Variants in ST18 observed in about 807,000 individuals in gnomAD.
The protein encoded by ST18 is ST18 C2H2C-type zinc finger transcription factor, also known as suppression of tumorigenicity 18 protein.
Under a neutral mutation model 110.0 loss-of-function variants are expected in ST18, and 50 were observed. The ratio of observed to expected loss-of-function variants is 0.45; its 90% CI spans 0.36 to 0.58. The LOEUF (loss-of-function observed/expected upper bound fraction) is 0.58, where lower values mean the gene tolerates loss of function less well. Ranked by LOEUF, ST18 falls within the 20% of genes least tolerant of loss-of-function variation. The pLI, the probability that ST18 is intolerant of heterozygous loss-of-function variation, is 0.00. For synonymous variants in ST18, 461 were observed against 452.4 expected (o/e 1.02, Z -0.24); for missense variants, 1,306 against 1,280.1 (o/e 1.02, Z -0.31).
chr8:52,273,778 G>A (rs554076468), intron 2 of ST18, among the ~76,000 whole-genome samples: 3 of 152,306 alleles, frequency 2.0e-5, no homozygotes, highest in East Asian at 3.9e-4. Context: ...TCAAGCTCCA[G>A]TGTATGGACA....
chr8:52,322,998 G>A (rs1804687297), intron 2 of ST18, among the ~76,000 whole-genome samples: 1 of 152,142 alleles, frequency 6.6e-6, no homozygotes, highest in Admixed American at 6.5e-5. Flanking sequence ...TTCTCACTGG[G>A]CATGGCCTCA....
chr8:52,319,492 A>G (rs931220183), intron 2 of ST18, among the ~76,000 whole-genome samples: 2 of 152,118 alleles, frequency 1.3e-5, no homozygotes, highest in African/African-American at 2.4e-5. Context: ...CATCTATAAT[A>G]TGTTTCTCTT....
At chr8:52,376,952 C>T (rs1296210859) in intron 2 of ST18, among the ~76,000 whole-genome samples, 1 of 152,156 alleles carries the variant, frequency 6.6e-6, no homozygotes, top group Non-Finnish European at 1.5e-5. Context: ...ACTCTGTTCC[C>T]AACTAATTAA....
chr8:52,382,589 A>C (rs891840474), intron 2 of ST18, among the ~76,000 whole-genome samples: 1 of 152,140 alleles, frequency 6.6e-6, no homozygotes, highest in Non-Finnish European at 1.5e-5. Flanking sequence ...GAGACACAAA[A>C]CATCGTGTCC....
chr8:52,213,756 A>G (rs879796202), intron 7 of ST18, among the ~76,000 whole-genome samples: 1 of 152,178 alleles, frequency 6.6e-6, no homozygotes, highest in African/African-American at 2.4e-5. Context: ...CAGTCAAAAA[A>G]CAAACACCAT....
intron 2 of ST18, among the ~76,000 whole-genome samples, chr8:52,304,752 C>G (rs2095787046): frequency 6.6e-6 from 1 of 152,158 alleles, no homozygotes; most frequent in South Asian, 2.1e-4. Flanking sequence ...AGTTCAAGAT[C>G]AAGCTCCTGG....
chr8:52,377,547 A>G (rs191963932), intron 2 of ST18, among the ~76,000 whole-genome samples: 6 of 152,364 alleles, frequency 3.9e-5, no homozygotes, highest in Non-Finnish European at 7.3e-5. Flanking sequence ...TAAAACTACA[A>G]TGAAATGTGA....
intron 5 of ST18, among the ~76,000 whole-genome samples, chr8:52,220,347 G>A (rs1275398433): frequency 6.6e-6 from 1 of 152,114 alleles, no homozygotes; most frequent in African/African-American, 2.4e-5. Flanking sequence ...GTCATCCACA[G>A]TACTTTTTAA....
At chr8:52,178,272 C>T (rs1483854589) in intron 9 of ST18, among the ~76,000 whole-genome samples, 3 of 152,072 alleles carry the variant, frequency 2.0e-5, no homozygotes, top group African/African-American at 7.2e-5. Flanking sequence ...GCAAGTCTAA[C>T]CACAAATGAT....
At chr8:52,377,581 T>C (rs1158259593) in intron 2 of ST18, among the ~76,000 whole-genome samples, 2 of 152,212 alleles carry the variant, frequency 1.3e-5, no homozygotes, top group Admixed American at 1.3e-4. Flanking sequence ...AAATGGCTTT[T>C]ATTCAAAAGA....
At chr8:52,221,462 G>T (rs1564149348) in intron 4 of ST18, among the ~76,000 whole-genome samples, 178 bp downstream of exon 4, 2 of 152,158 alleles carry the variant, frequency 1.3e-5, no homozygotes. Flanking sequence ...TGGTCCCAGG[G>T]ATGAGCACAG....
At chr8:52,214,130 G>C in intron 7 of ST18, 73 bp downstream of exon 7, 1 of 1,452,444 alleles carries the variant, frequency 6.9e-7, no homozygotes, top group Non-Finnish European at 9.7e-7. Flanking sequence ...TGCACACGAG[G>C]GACTGAGCAC....
At chr8:52,376,136 G>A (rs934770633) in intron 2 of ST18, among the ~76,000 whole-genome samples, 10 of 151,960 alleles carry the variant, frequency 6.6e-5, no homozygotes, top group East Asian at 1.9e-4. Flanking sequence ...CCCTATAACC[G>A]ATTATCAGCA....
At chr8:52,370,611 T>C (rs1364259873) in intron 2 of ST18, among the ~76,000 whole-genome samples, 3 of 152,190 alleles carry the variant, frequency 2.0e-5, no homozygotes, top group African/African-American at 7.2e-5. Context: ...GATTTTGAAG[T>C]TAATACTCAA....
At chr8:52,367,236 T>TCTCACACACACA (rs1554851169) in intron 2 of ST18, among the ~76,000 whole-genome samples, 11 of 120,190 alleles carry the variant, frequency 9.2e-5, no homozygotes, top group African/African-American at 3.4e-4. Context: ...GGACCCTGTC[T>TCTCACACACACA]CACACACACA....
intron 2 of ST18, among the ~76,000 whole-genome samples, chr8:52,387,145 C>T (rs972026193): frequency 6.6e-6 from 1 of 151,732 alleles, no homozygotes; most frequent in African/African-American, 2.4e-5. Flanking sequence ...CCATCTATCC[C>T]TCCTTTCCTT....
At chr8:52,193,921 C>G (rs1026354012) in intron 8 of ST18, among the ~76,000 whole-genome samples, 1 of 152,282 alleles carries the variant, frequency 6.6e-6, no homozygotes. Flanking sequence ...TCCTATTACT[C>G]ATGTCATAAA....
At chr8:52,157,705 T>C (rs1357328292) in intron 15 of ST18, among the ~76,000 whole-genome samples, 3 of 152,190 alleles carry the variant, frequency 2.0e-5, no homozygotes, top group East Asian at 1.9e-4. Flanking sequence ...TTTTGAGTGG[T>C]TTTTGGCCAC....
chr8:52,143,085 T>C, intron 16 of ST18, 40 bp from the exon 17 acceptor site: 1 of 1,329,104 alleles, frequency 7.5e-7, no homozygotes, highest in Non-Finnish European at 1.1e-6. Flanking sequence ...ACAGAAGCCA[T>C]TAGGGAACCC....
Sources: allele counts gnomAD v4.1 joint callset (sites outside exome capture counted in the v4.1 genomes callset), GRCh38; gene constraint gnomAD v4.1.1; transcripts MANE v1.5; gene names NCBI Gene and HGNC (gene_info 2026-07-23, HGNC 2026-07-21).